Variants in RIN2 observed in about 807,000 individuals in gnomAD.
RIN2 encodes Ras and Rab interactor 2.
In RIN2, 36 loss-of-function variants were observed where a neutral mutation model predicts 78.0. The ratio of observed to expected loss-of-function variants is 0.46; its 90% CI spans 0.35 to 0.61. The LOEUF (loss-of-function observed/expected upper bound fraction) is 0.61, where lower values mean the gene tolerates loss of function less well. Among genes scored for constraint, RIN2 ranks in the 20% least tolerant of loss-of-function variants. The pLI is 0.00. For synonymous variants in RIN2, 466 were observed against 466.8 expected (o/e 1.00, Z 0.02); for missense variants, 1,087 against 1,159.7 (o/e 0.94, Z 0.91).
At chr20:19,897,706 C>T (rs2038794731) in intron 3 of RIN2, among the ~76,000 whole-genome samples, 1 of 151,762 alleles carries the variant, frequency 6.6e-6, no homozygotes, top group African/African-American at 2.4e-5. Context: ...TCTGCAGGAA[C>T]TGTTGGCTTC....
At chr20:19,778,193 C>CA (rs1412552391) in intron 1 of RIN2, among the ~76,000 whole-genome samples, 6 of 152,234 alleles carry the variant, frequency 3.9e-5, no homozygotes, top group Admixed American at 1.3e-4. Context: ...ACAGAAGAAA[C>CA]AGAGTGTTTA....
At chr20:19,977,788 GCT>G (rs2042326351) in intron 9 of RIN2, among the ~76,000 whole-genome samples, 1 of 152,180 alleles carries the variant, frequency 6.6e-6, no homozygotes. Flanking sequence ...TCAGACTAAA[GCT>G]CTCTGTTGAG....
intron 4 of RIN2, among the ~76,000 whole-genome samples, chr20:19,941,436 G>T (rs764302173): frequency 6.6e-5 from 10 of 152,190 alleles, no homozygotes; most frequent in Non-Finnish European, 1.5e-4. Context: ...TTTTGAACCA[G>T]ATCCACCTTC....
At chr20:19,982,339 G>A (rs146606363) in intron 9 of RIN2, among the ~76,000 whole-genome samples, 3 of 152,210 alleles carry the variant, frequency 2.0e-5, no homozygotes, top group African/African-American at 7.2e-5. Flanking sequence ...TTCAGACTTG[G>A]CATCTGACCT....
Position 19,956,774 on chromosome 20 carries a change from G to A in RIN2, c.318G>A (p.Glu106=). The change falls in exon 5 of 13, where the codon GAG becomes GAA. Residue 106 remains glutamate (E), a synonymous_variant. Coordinates refer to ENST00000255006, the MANE Select transcript of RIN2 (RefSeq NM_018993.4). ...TGCAGCTGAGTCTGAGTGAGGAGGAGGCAGCAGAGGTCCTGCAGGCCCAGC... is the reference window on the plus strand; with the variant it reads ...TGCAGCTGAGTCTGAGTGAGGAGGAAGCAGCAGAGGTCCTGCAGGCCCAGC... The part of the protein sequence containing the change: ...IWLQLSLSEE[E]AAEVLQAQPP... 6.3e-7 allele frequency: 1 copy of A among 1,598,446 alleles called. No homozygotes were observed. The highest frequency in any genetic ancestry group is 1.1e-5 in the South Asian group (1 of 88,804).
At chr20:19,966,883 G>A (rs1319501526) in intron 7 of RIN2, among the ~76,000 whole-genome samples, 1 of 151,366 alleles carries the variant, frequency 6.6e-6, no homozygotes, top group East Asian at 2.0e-4. Flanking sequence ...GAGGAGGCTG[G>A]TGCAGAAGCA....
At chr20:19,984,240 G>C (rs1299571115) in intron 9 of RIN2, among the ~76,000 whole-genome samples, 1 of 152,140 alleles carries the variant, frequency 6.6e-6, no homozygotes, top group African/African-American at 2.4e-5. Context: ...CATCTGAGAA[G>C]TGCACTGTTA....
chr20:19,987,949 C>T (rs112273094), intron 9 of RIN2, among the ~76,000 whole-genome samples: 20 of 152,244 alleles, frequency 1.3e-4, no homozygotes, highest in African/African-American at 3.9e-4. Flanking sequence ...GTGGGGTCAG[C>T]GTTAACTTTT....
At chr20:19,923,425 T>TAAATA (rs561665019) in intron 3 of RIN2, among the ~76,000 whole-genome samples, 31,267 of 125,094 alleles carry the variant, frequency 0.25, 4,596 homozygotes, top group Middle Eastern at 0.32. Flanking sequence ...CAAAATAAAA[T>TAAATA]AAATAAAATA....
intron 2 of RIN2, chr20:19,886,821 GT>G: frequency 1.6e-6 from 2 of 1,245,792 alleles, no homozygotes; most frequent in Non-Finnish European, 2.3e-6. Flanking sequence ...TACTGGGATG[GT>G]TTTAGGATGA....
chr20:19,967,410 T>G (rs2041973319), intron 7 of RIN2, among the ~76,000 whole-genome samples: 1 of 152,248 alleles, frequency 6.6e-6, no homozygotes, highest in South Asian at 2.1e-4. Flanking sequence ...TACTCAGTCT[T>G]ACAAGAATAT....
intron 10 of RIN2, 45 bp downstream of exon 10, chr20:19,990,356 G>A: frequency 6.4e-7 from 1 of 1,553,530 alleles, no homozygotes; most frequent in Non-Finnish European, 8.7e-7. Flanking sequence ...TCCCTTCCGG[G>A]CCGGGGACAG....
At chr20:19,997,601 A>G (rs1568728206) in intron 12 of RIN2, among the ~76,000 whole-genome samples, 1 of 152,290 alleles carries the variant, frequency 6.6e-6, no homozygotes, top group Admixed American at 6.5e-5. Flanking sequence ...TCTACTAAAA[A>G]TACAAAAATT....
intron 3 of RIN2, among the ~76,000 whole-genome samples, chr20:19,893,169 G>A (rs1039508653): frequency 6.6e-6 from 1 of 152,170 alleles, no homozygotes; most frequent in East Asian, 1.9e-4. Flanking sequence ...CCAAGGAAGC[G>A]GACTTCGATT....
At chr20:19,915,816 C>T (rs563652521) in intron 3 of RIN2, among the ~76,000 whole-genome samples, 2 of 152,330 alleles carry the variant, frequency 1.3e-5, no homozygotes, top group South Asian at 4.1e-4. Context: ...GCTCAATTTA[C>T]AGAAAATTTT....
chr20:19,885,489 A>G (rs2038152834), intron 2 of RIN2, among the ~76,000 whole-genome samples: 2 of 152,024 alleles, frequency 1.3e-5, no homozygotes, highest in Admixed American at 1.3e-4. Flanking sequence ...AACATGGTAA[A>G]ACCCCACATC....
At chr20:19,770,207 T>C (rs1280684840) in intron 1 of RIN2, among the ~76,000 whole-genome samples, 1 of 152,062 alleles carries the variant, frequency 6.6e-6, no homozygotes, top group Non-Finnish European at 1.5e-5. Context: ...TTTTACAAAA[T>C]AAATATCATT....
At chr20:19,945,975 G>A (rs1157585644) in intron 4 of RIN2, among the ~76,000 whole-genome samples, 1 of 152,300 alleles carries the variant, frequency 6.6e-6, no homozygotes, top group African/African-American at 2.4e-5. Flanking sequence ...GAGCTGAGCA[G>A]CGGATTCTAT....
intron 2 of RIN2, among the ~76,000 whole-genome samples, chr20:19,800,501 G>A (rs781046783): frequency 1.3e-5 from 2 of 152,150 alleles, no homozygotes; most frequent in Non-Finnish European, 2.9e-5. Context: ...CAAAGGTGAC[G>A]GGGCTTCCAC....
Sources: gnomAD v4.1 joint callset for allele counts (sites outside exome capture counted in the v4.1 genomes callset) on GRCh38, gnomAD v4.1.1 for gene constraint, MANE v1.5 for transcripts, NCBI Gene and HGNC (gene_info 2026-07-23, HGNC 2026-07-21) for gene names.